Variants in PTCHD4 observed in about 807,000 individuals in gnomAD.
PTCHD4 encodes patched domain-containing protein 4.
Under a neutral mutation model 58.1 loss-of-function variants are expected in PTCHD4, and 33 were observed. The observed-to-expected ratio is 0.57, with a 90% CI of 0.43 to 0.76. PTCHD4 has a LOEUF of 0.76. Ranked by LOEUF, PTCHD4 falls within the 30% of genes least tolerant of loss-of-function variation. PTCHD4 has a pLI of 0.00. For synonymous variants in PTCHD4, 478 were observed against 409.6 expected (o/e 1.17, Z -2.02); for missense variants, 1,058 against 1,027.1 (o/e 1.03, Z -0.41).
chr6:47,934,177 G>A (rs971668424), intron 4 of PTCHD4, among the ~76,000 whole-genome samples: 1 of 152,104 alleles, frequency 6.6e-6, no homozygotes, highest in Non-Finnish European at 1.5e-5. Context: ...GGAAGTTTGC[G>A]GCAGGGAGGA....
rs922133449 is a variant in PTCHD4 at position 47,859,089 on chromosome 6, G to T, written c.*19214C>A. ...GCATCAGATAATATATTTTATTCAC[G>T]CTTATGTCAGGGTAACTTTGTGTAT... On this transcript the variant is annotated 3_prime_UTR_variant, in exon 5 of 5. Coordinates refer to ENST00000339488, the MANE Select transcript of PTCHD4 (RefSeq NM_001384253.1). 6.6e-6 allele frequency among the ~76,000 whole-genome samples: 1 copy of T among 151,934 alleles called. No homozygotes were observed. The highest frequency in any genetic ancestry group is 2.4e-5 in the African/African-American group (1 of 41,388).
At chr6:47,946,701 G>T (rs1017894634) in intron 4 of PTCHD4, among the ~76,000 whole-genome samples, 1 of 151,896 alleles carries the variant, frequency 6.6e-6, no homozygotes, top group Non-Finnish European at 1.5e-5. Flanking sequence ...TGGATTATTT[G>T]TACCCTCTTA....
Position 48,068,729 on chromosome 6 carries a change from G to T in PTCHD4, c.6-88C>A. 3 of 1,149,798 alleles carry T rather than the reference G, an allele frequency of 2.6e-6. No homozygotes were observed. Among genetic ancestry groups the T allele is most frequent in the South Asian group, 3.4e-5 (2 of 59,386 alleles). The allele number at this position is 1,149,798 out of a possible 1,614,324, so 71.2% of individuals were successfully genotyped here. A position where few individuals can be genotyped will look rare whatever the true frequency, so the allele number is the denominator to read the frequency against. ...CTGGGGCCAGTCCCCCCTCCCCACC[G>T]CCGCCGCCTCCCCACCCACTCCGCG... On this transcript the variant is annotated intron_variant, in intron 2 of 4. Transcript: ENST00000339488. This position sits in a 1 kb window ranked among gnomAD's most constrained non-coding sequence, Gnocchi z 4.2.
chr6:48,019,465 T>G (rs981330800), intron 3 of PTCHD4, among the ~76,000 whole-genome samples: 2 of 152,080 alleles, frequency 1.3e-5, no homozygotes, highest in African/African-American at 4.8e-5. Flanking sequence ...GGCCGGGCGC[T>G]GTGGCTCACG....
intron 4 of PTCHD4, among the ~76,000 whole-genome samples, chr6:47,908,187 C>T (rs568594201): frequency 1.3e-3 from 200 of 152,172 alleles, no homozygotes; most frequent in Non-Finnish European, 2.4e-3. Context: ...ACCAGAACCT[C>T]CATGATGAGT....
At chr6:47,883,251 T>G (rs1178556814) in intron 4 of PTCHD4, among the ~76,000 whole-genome samples, 2 of 152,102 alleles carry the variant, frequency 1.3e-5, no homozygotes, top group Non-Finnish European at 2.9e-5. Context: ...TAAGTAATTC[T>G]GAGACCAAGA....
At chr6:48,020,526 A>G (rs998257114) in intron 3 of PTCHD4, among the ~76,000 whole-genome samples, 2 of 151,560 alleles carry the variant, frequency 1.3e-5, no homozygotes, top group African/African-American at 2.4e-5. Context: ...AAAAACCGTA[A>G]TTACTTTTGC....
chr6:47,956,778 A>G (rs2113959231), intron 4 of PTCHD4, among the ~76,000 whole-genome samples: 1 of 152,230 alleles, frequency 6.6e-6, no homozygotes, highest in South Asian at 2.1e-4. Context: ...TTTGGTTTAA[A>G]CTATTCATAC....
At chr6:47,988,895 G>A (rs149994965) in intron 4 of PTCHD4, among the ~76,000 whole-genome samples, 1 of 152,328 alleles carries the variant, frequency 6.6e-6, no homozygotes, top group East Asian at 1.9e-4. Flanking sequence ...CGAAAATGTG[G>A]AAGCAACTTT....
Position 47,858,576 on chromosome 6 carries a change from G to C in PTCHD4, c.*19727C>G, listed in dbSNP as rs1763350511. ...TACCACAGATAATGGAATGCTACTT[G>C]ACCAACATAAATTATCAATTATTTT... On this transcript the variant is annotated 3_prime_UTR_variant, in exon 5 of 5. Transcript: ENST00000339488. Among the ~76,000 whole-genome samples the C allele has an allele frequency of 6.6e-6, 1 of 151,946 alleles. No individual in the cohort carries two copies. The highest frequency in any genetic ancestry group is 1.9e-4 in the East Asian group (1 of 5,162).
chr6:47,870,298 T>C lies in PTCHD4; in HGVS notation c.*8005A>G, dbSNP rs1194864106. On this transcript the variant is annotated 3_prime_UTR_variant, in exon 5 of 5. Coordinates refer to ENST00000339488, the MANE Select transcript of PTCHD4 (RefSeq NM_001384253.1). ...ATAATAGATTTGTCATGCAGATAAA[T>C]TATGAGCAATTTAACTAAAATTATT... Among the ~76,000 whole-genome samples the C allele has an allele frequency of 6.6e-6, 1 of 151,604 alleles. No individual in the cohort carries two copies. The highest frequency in any genetic ancestry group is 1.5e-5 in the Non-Finnish European group (1 of 67,722).
intron 4 of PTCHD4, among the ~76,000 whole-genome samples, chr6:47,981,705 T>C (rs1018709373): frequency 2.6e-5 from 4 of 152,336 alleles, no homozygotes; most frequent in Non-Finnish European, 4.4e-5. Flanking sequence ...TGAGGTGGGC[T>C]TGCCCTCAAG....
chr6:48,031,794 ATTTG>A (rs1450794496), intron 3 of PTCHD4, among the ~76,000 whole-genome samples: 4 of 152,156 alleles, frequency 2.6e-5, no homozygotes, highest in Non-Finnish European at 4.4e-5. Context: ...ATTTGCTGAC[ATTTG>A]TTTAAGTATC....
chr6:48,054,616 T>C (rs933729139), intron 3 of PTCHD4, among the ~76,000 whole-genome samples: 6 of 152,176 alleles, frequency 3.9e-5, no homozygotes, highest in African/African-American at 1.2e-4. Context: ...AGAAGTATTC[T>C]AAAGTTACCA....
intron 4 of PTCHD4, among the ~76,000 whole-genome samples, chr6:47,890,157 G>A (rs559730755): frequency 1.1e-4 from 17 of 151,734 alleles, no homozygotes; most frequent in African/African-American, 3.1e-4. Context: ...ATGCATGTGT[G>A]TCTGTGTGTG....
Position 47,878,501 on chromosome 6 carries a change from G to A in PTCHD4, c.2334C>T (p.Thr778=), listed in dbSNP as rs139611066. 446 of 1,613,308 alleles carry A rather than the reference G, an allele frequency of 2.8e-4. 2 individuals carry two copies. Among genetic ancestry groups the A allele is most frequent in the Middle Eastern group, 1.2e-3 (7 of 6,076 alleles). Residue 778 remains threonine (T), a synonymous_variant, in exon 5 of 5, where the codon ACC becomes ACT. Transcript: ENST00000339488. ...VPLLFVPSNL[T]FTLFKCLLLT... is the part of the protein sequence containing the mutation. ...GCAGCAAGCATTTGAACAGTGTGAA[G>A]GTCAGGTTCGAAGGCACAAATAGAA...
At chr6:48,017,060 G>A (rs973805247) in intron 3 of PTCHD4, among the ~76,000 whole-genome samples, 1 of 152,142 alleles carries the variant, frequency 6.6e-6, no homozygotes, top group Non-Finnish European at 1.5e-5. Context: ...TGAAAAGAAA[G>A]TCTTCCTGTG....
At chr6:47,955,182 C>T (rs1766809594) in intron 4 of PTCHD4, among the ~76,000 whole-genome samples, 1 of 152,156 alleles carries the variant, frequency 6.6e-6, no homozygotes, top group Non-Finnish European at 1.5e-5. Context: ...GCTTATCATG[C>T]AGCAATAGGT....
At chr6:48,000,975 A>T (rs1442278341) in intron 4 of PTCHD4, among the ~76,000 whole-genome samples, 2 of 152,236 alleles carry the variant, frequency 1.3e-5, no homozygotes, top group Non-Finnish European at 1.5e-5. Context: ...ACAAACAGAG[A>T]GCCAAATCAT....
Sources: gnomAD v4.1 joint callset for allele counts (sites outside exome capture counted in the v4.1 genomes callset) on GRCh38, gnomAD v4.1.1 for gene constraint, Gnocchi (gnomAD v3.1) non-coding constraint, MANE v1.5 for transcripts, NCBI Gene and HGNC (gene_info 2026-07-23, HGNC 2026-07-21) for gene names.